Variants in ATF2 observed in about 807,000 individuals in gnomAD.
The protein encoded by ATF2 is activating transcription factor 2.
In ATF2, 24 loss-of-function variants were observed where a neutral mutation model predicts 60.6. The ratio of observed to expected loss-of-function variants is 0.40; its 90% CI spans 0.29 to 0.56. ATF2 has a LOEUF of 0.56. Among genes scored for constraint, ATF2 ranks in the 20% least tolerant of loss-of-function variants. The pLI is 0.54. For missense variants in ATF2, 433 were observed against 607.7 expected, an observed-to-expected ratio of 0.71 and a Z score of 3.02; for synonymous variants, 206 against 215.4, an observed-to-expected ratio of 0.96 and a Z score of 0.38.
intron 1 of ATF2, among the ~76,000 whole-genome samples, chr2:175,166,729 T>C (rs1025075370): frequency 6.6e-6 from 1 of 152,230 alleles, no homozygotes; most frequent in Non-Finnish European, 1.5e-5. Context: ...TTACTCACAA[T>C]GATAACGCCA....
In ATF2 at chr2:175,074,628, G is replaced by T; in HGVS notation, c.1499C>A (p.Ser500Ter). The part of the protein sequence containing the change: ...SQIVMAPSSQ[S>*]QPSGS ...TTTTAATCAACTTCCTGAGGGCTGT[G>T]ACTGGGAGGAAGGAGCCATAACGAT... The change falls in exon 14 of 14, where the codon TCA becomes TAA. Residue 500 changes from serine to a stop codon, truncating the protein, a stop_gained. Coordinates refer to ENST00000264110, the MANE Select transcript of ATF2 (RefSeq NM_001880.4). LOFTEE classifies it high-confidence loss of function. The T allele has an allele frequency of 6.2e-7, 1 of 1,612,646 alleles. No homozygotes were observed. The highest frequency in any genetic ancestry group is 1.1e-5 in the South Asian group (1 of 90,950).
chr2:175,150,257 A>G (rs955345027), intron 2 of ATF2, among the ~76,000 whole-genome samples: 6 of 152,146 alleles, frequency 3.9e-5, no homozygotes, highest in African/African-American at 1.4e-4. Flanking sequence ...ACTTTTATGC[A>G]TAGTTCCTCT....
At chr2:175,099,100 TTC>T (rs1308566181) in intron 10 of ATF2, among the ~76,000 whole-genome samples, 2 of 150,230 alleles carry the variant, frequency 1.3e-5, no homozygotes, top group Non-Finnish European at 3.0e-5. Context: ...CCTATTAAAT[TTC>T]TTTTTTTTTT....
intron 12 of ATF2, among the ~76,000 whole-genome samples, chr2:175,086,779 AAT>A (rs1694200120): frequency 6.6e-6 from 1 of 152,142 alleles, no homozygotes; most frequent in African/African-American, 2.4e-5. Context: ...TCATAAAGAA[AAT>A]ACTGTATTTC....
intron 10 of ATF2, among the ~76,000 whole-genome samples, chr2:175,104,421 A>G (rs1038796662): frequency 1.2e-4 from 19 of 152,156 alleles, no homozygotes; most frequent in Non-Finnish European, 1.5e-5. Context: ...AAAATCCAAC[A>G]AAAGCAGTAA....
intron 2 of ATF2, among the ~76,000 whole-genome samples, chr2:175,148,340 A>G (rs1699088937): frequency 6.6e-6 from 1 of 152,168 alleles, no homozygotes; most frequent in African/African-American, 2.4e-5. Context: ...AGTTTTCTCA[A>G]AGCAAGAGGC....
chr2:175,108,462 T>TGG (rs1212066083), intron 10 of ATF2, among the ~76,000 whole-genome samples: 1 of 134,956 alleles, frequency 7.4e-6, no homozygotes, highest in African/African-American at 2.9e-5. Flanking sequence ...GGGAGGGAGG[T>TGG]GGGGGGTCAG....
intron 10 of ATF2, among the ~76,000 whole-genome samples, chr2:175,101,053 A>G (rs1415832050): frequency 6.6e-6 from 1 of 152,240 alleles, no homozygotes; most frequent in South Asian, 2.1e-4. Flanking sequence ...TAACAGAGAC[A>G]TGCTCAAGAC....
chr2:175,124,767 T>C (rs1483455386), intron 4 of ATF2, among the ~76,000 whole-genome samples: 1 of 152,028 alleles, frequency 6.6e-6, no homozygotes, highest in Non-Finnish European at 1.5e-5. Context: ...GCTTATAATG[T>C]GTAAACATTC....
chr2:175,104,373 T>C (rs1057073796), intron 10 of ATF2, among the ~76,000 whole-genome samples: 1 of 152,168 alleles, frequency 6.6e-6, no homozygotes, highest in African/African-American at 2.4e-5. Flanking sequence ...AAAAGGATGA[T>C]GTTTAAAATA....
intron 10 of ATF2, among the ~76,000 whole-genome samples, chr2:175,105,288 A>G (rs1199983206): frequency 2.0e-5 from 3 of 150,562 alleles, no homozygotes; most frequent in Non-Finnish European, 4.4e-5. Flanking sequence ...TGTACAAGTC[A>G]CCATCAAGGG....
intron 1 of ATF2, among the ~76,000 whole-genome samples, chr2:175,152,352 C>T (rs904647682): frequency 6.6e-6 from 1 of 152,074 alleles, no homozygotes; most frequent in East Asian, 1.9e-4. Context: ...AAGAAACAAC[C>T]TAAATTGTTG....
intron 12 of ATF2, among the ~76,000 whole-genome samples, chr2:175,086,322 C>G (rs146264773): frequency 6.1e-4 from 93 of 152,202 alleles, no homozygotes; most frequent in Admixed American, 1.4e-3. Flanking sequence ...CAATTACTGG[C>G]TAGGAATTGG....
At chr2:175,111,773 A>G (rs1222009395) in intron 9 of ATF2, 119 bp from the exon 10 acceptor site, 1 of 835,448 alleles carries the variant, frequency 1.2e-6, no homozygotes, top group Non-Finnish European at 1.8e-6. Flanking sequence ...ATTTATCACC[A>G]GCTGATTTTA....
At chr2:175,147,454 G>A (rs1185416547) in intron 2 of ATF2, among the ~76,000 whole-genome samples, 1 of 152,130 alleles carries the variant, frequency 6.6e-6, no homozygotes, top group Non-Finnish European at 1.5e-5. Flanking sequence ...TATTTAGTTG[G>A]TTATAGAACT....
rs1693006405 is a variant in ATF2 at position 175,072,540 on chromosome 2, T to C, written c.*2069A>G. On this transcript the variant is annotated 3_prime_UTR_variant, in exon 14 of 14. Transcript: ENST00000264110. ...ACATCTATGTAGTTTTATTTTACAG[T>C]TGCAAGAATTCTGTTACCAAAGAAC... is the stretch of plus-strand genomic sequence containing the variant. 1.3e-5 allele frequency: 2 copies of C among 152,162 alleles called. No homozygotes were observed. Among genetic ancestry groups the C allele is most frequent in the South Asian group, 4.1e-4 (2 of 4,828 alleles). The allele number at this position is 152,162 out of a possible 1,614,324, so 9.4% of individuals were successfully genotyped here. A position where few individuals can be genotyped will look rare whatever the true frequency, so the allele number is the denominator to read the frequency against.
chr2:175,120,417 C>T (rs1288542516), intron 5 of ATF2, among the ~76,000 whole-genome samples: 1 of 151,280 alleles, frequency 6.6e-6, no homozygotes, highest in Non-Finnish European at 1.5e-5. Flanking sequence ...ATATTGTTTT[C>T]GATAAATTAA....
intron 10 of ATF2, among the ~76,000 whole-genome samples, chr2:175,105,477 A>T (rs1695590753): frequency 1.3e-5 from 2 of 152,172 alleles, no homozygotes; most frequent in Admixed American, 1.3e-4. Context: ...TGCAAGAAAA[A>T]TCTCAAAATT....
intron 2 of ATF2, among the ~76,000 whole-genome samples, chr2:175,147,167 T>A (rs1699018320): frequency 6.6e-6 from 1 of 152,216 alleles, no homozygotes; most frequent in African/African-American, 2.4e-5. Context: ...GTTCCCTTTT[T>A]AAAATATGAC....
Sources: allele counts gnomAD v4.1 joint callset (sites outside exome capture counted in the v4.1 genomes callset), GRCh38; gene constraint gnomAD v4.1.1; transcripts MANE v1.5; gene names NCBI Gene and HGNC (gene_info 2026-07-23, HGNC 2026-07-21).